Variants in LPP observed in about 807,000 individuals in gnomAD.
The protein encoded by LPP is LIM domain containing preferred translocation partner in lipoma.
Under a neutral mutation model 60.4 loss-of-function variants are expected in LPP, and 38 were observed. The observed-to-expected ratio is 0.63, with a 90% CI of 0.49 to 0.83. The LOEUF is 0.83. Ranked by LOEUF, LPP falls within the 40% of genes least tolerant of loss-of-function variation. LPP has a pLI of 0.00. For missense variants in LPP, 902 were observed against 783.6 expected, an observed-to-expected ratio of 1.15 and a Z score of -1.80; for synonymous variants, 328 against 290.8, an observed-to-expected ratio of 1.13 and a Z score of -1.30.
At chr3:188,562,615 A>G (rs1207419711) in intron 6 of LPP, among the ~76,000 whole-genome samples, 1 of 151,998 alleles carries the variant, frequency 6.6e-6, no homozygotes, top group Non-Finnish European at 1.5e-5. Context: ...TGCCAGATGG[A>G]TCTTCTCCTT....
intron 2 of LPP, among the ~76,000 whole-genome samples, chr3:188,325,105 C>T (rs900859439): frequency 4.6e-5 from 7 of 152,064 alleles, no homozygotes; most frequent in African/African-American, 7.2e-5. Flanking sequence ...CTCAGCCTCC[C>T]GAGTAGCTGG....
intron 6 of LPP, among the ~76,000 whole-genome samples, chr3:188,583,645 G>A (rs936205791): frequency 3.3e-5 from 5 of 152,076 alleles, no homozygotes; most frequent in Admixed American, 6.6e-5. Context: ...GACCCGGACC[G>A]CGTTGTTAAA....
At chr3:188,467,263 TA>T (rs1348373258) in intron 4 of LPP, among the ~76,000 whole-genome samples, 2 of 152,040 alleles carry the variant, frequency 1.3e-5, no homozygotes, top group Non-Finnish European at 1.5e-5. Flanking sequence ...AACAATGCAT[TA>T]AAAAATAGAA....
intron 7 of LPP, among the ~76,000 whole-genome samples, chr3:188,682,226 A>T (rs1859691075): frequency 6.6e-6 from 1 of 152,190 alleles, no homozygotes; most frequent in Non-Finnish European, 1.5e-5. Context: ...TGCTATATTA[A>T]TAGCAAAGCA....
intron 1 of LPP, among the ~76,000 whole-genome samples, chr3:188,157,825 G>A (rs1316691112): frequency 2.0e-5 from 3 of 151,942 alleles, no homozygotes; most frequent in African/African-American, 7.3e-5. Flanking sequence ...TGAACCTCTA[G>A]GAATGAGTAG....
chr3:188,327,600 A>T (rs1261314364), intron 2 of LPP, among the ~76,000 whole-genome samples: 1 of 152,202 alleles, frequency 6.6e-6, no homozygotes, highest in African/African-American at 2.4e-5. Context: ...TGGAAGGCAC[A>T]CAGTGAGTAT....
At chr3:188,521,694 C>G (rs1818915650) in intron 5 of LPP, among the ~76,000 whole-genome samples, 1 of 152,086 alleles carries the variant, frequency 6.6e-6, no homozygotes, top group South Asian at 2.1e-4. Flanking sequence ...AGAGTATTTT[C>G]CCATCCATTT....
intron 7 of LPP, among the ~76,000 whole-genome samples, chr3:188,646,500 G>C (rs1008156439): frequency 1.3e-5 from 2 of 152,212 alleles, no homozygotes; most frequent in Non-Finnish European, 2.9e-5. Flanking sequence ...TGTAGGCAGA[G>C]TTTTTGTTAT....
At chr3:188,264,801 T>A (rs1239623337) in intron 2 of LPP, among the ~76,000 whole-genome samples, 1 of 152,182 alleles carries the variant, frequency 6.6e-6, no homozygotes, top group East Asian at 1.9e-4. Context: ...TGTGTGTCTC[T>A]CTCTCTTTCT....
At chr3:188,623,286 G>T (rs907300272) in intron 7 of LPP, among the ~76,000 whole-genome samples, 6 of 144,486 alleles carry the variant, frequency 4.2e-5, no homozygotes, top group Non-Finnish European at 7.5e-5. Context: ...GAAAGAGAGC[G>T]TCACTCTATC....
chr3:188,210,161 G>A (rs544393193), intron 1 of LPP, among the ~76,000 whole-genome samples: 6 of 152,046 alleles, frequency 3.9e-5, no homozygotes, highest in East Asian at 1.9e-4. Flanking sequence ...GCATTCTCAG[G>A]TATTATAAGT....
chr3:188,483,440 G>T (rs1421213517), intron 4 of LPP, among the ~76,000 whole-genome samples: 1 of 152,056 alleles, frequency 6.6e-6, no homozygotes, highest in Non-Finnish European at 1.5e-5. Context: ...CAACTAAAAT[G>T]CAAGGAAAGG....
At chr3:188,551,550 C>T (rs1030200964) in intron 6 of LPP, among the ~76,000 whole-genome samples, 4 of 152,024 alleles carry the variant, frequency 2.6e-5, no homozygotes, top group Admixed American at 1.3e-4. Flanking sequence ...TAATAATCAC[C>T]CATCTGTAAA....
At chr3:188,157,407 A>G (rs530653734) in intron 1 of LPP, among the ~76,000 whole-genome samples, 45 of 152,156 alleles carry the variant, frequency 3.0e-4, no homozygotes, top group African/African-American at 1.1e-3. Flanking sequence ...CAAGAGTTAG[A>G]TCGGATTTGA....
intron 8 of LPP, among the ~76,000 whole-genome samples, chr3:188,748,549 T>C (rs1481934629): frequency 1.3e-5 from 2 of 152,140 alleles, no homozygotes; most frequent in Non-Finnish European, 2.9e-5. Context: ...TTTGGGAGGC[T>C]GAGGCAGGTG....
At chr3:188,818,920 T>A (rs1226459266) in intron 9 of LPP, among the ~76,000 whole-genome samples, 1 of 152,148 alleles carries the variant, frequency 6.6e-6, no homozygotes, top group Non-Finnish European at 1.5e-5. Flanking sequence ...GAAGATAAGA[T>A]AATTTATTAT....
chr3:188,732,588 G>A (rs941490586), intron 8 of LPP, among the ~76,000 whole-genome samples: 1 of 151,830 alleles, frequency 6.6e-6, no homozygotes, highest in Admixed American at 6.6e-5. Context: ...CGTGGTGGTG[G>A]GCACCTGTAA....
chr3:188,843,681 G>A (rs1381953378), intron 9 of LPP, among the ~76,000 whole-genome samples: 2 of 150,616 alleles, frequency 1.3e-5, no homozygotes, highest in African/African-American at 4.9e-5. Flanking sequence ...CAGCTACTCG[G>A]GAGGCTGAGG....
intron 7 of LPP, among the ~76,000 whole-genome samples, chr3:188,672,365 A>C (rs1210692036): frequency 3.3e-5 from 5 of 151,530 alleles, no homozygotes; most frequent in African/African-American, 1.2e-4. Flanking sequence ...CATTTTCCAG[A>C]GCTTACCCTG....
Sources: allele counts gnomAD v4.1 joint callset (sites outside exome capture counted in the v4.1 genomes callset), GRCh38; gene constraint gnomAD v4.1.1; transcripts MANE v1.5; gene names NCBI Gene and HGNC (gene_info 2026-07-23, HGNC 2026-07-21).